The following DOCK8 variants were observed in gnomAD, a reference collection of about 807,000 sequenced individuals.
DOCK8 encodes the protein dedicator of cytokinesis 8.
A neutral mutation model predicts 245.6 loss-of-function variants in DOCK8; 141 were observed. That is an observed-to-expected ratio of 0.57 (90% CI 0.50 to 0.66). DOCK8 has a LOEUF of 0.66. Among genes scored for constraint, DOCK8 ranks in the 30% least tolerant of loss-of-function variants. The pLI is 0.00. For synonymous variants in DOCK8, 1,168 were observed against 970.2 expected, an observed-to-expected ratio of 1.20 and a Z score of -3.79; for missense variants, 2,965 against 2,603.4, an observed-to-expected ratio of 1.14 and a Z score of -3.02.
chr9:463,752 T>C, intron 47 of DOCK8, 65 bp downstream of exon 47: 1 of 1,588,810 alleles, frequency 6.3e-7, no homozygotes, highest in Non-Finnish European at 8.6e-7. Context: ...GCCTAGCACC[T>C]TGGGGCATGC....
At chr9:318,812 A>T (rs1364765986) in intron 7 of DOCK8, among the ~76,000 whole-genome samples, 1 of 152,172 alleles carries the variant, frequency 6.6e-6, no homozygotes. Context: ...TGTCTGAGGG[A>T]CACACCTGCC....
chr9:258,451 C>T (rs2047832561), intron 1 of DOCK8, among the ~76,000 whole-genome samples: 1 of 152,158 alleles, frequency 6.6e-6, no homozygotes, highest in South Asian at 2.1e-4. Flanking sequence ...CAGCATCCAA[C>T]AATGTGTGTT....
intron 15 of DOCK8, chr9:368,971 T>G (rs562344523): frequency 2.1e-4 from 32 of 151,890 alleles, no homozygotes; most frequent in African/African-American, 7.3e-4. Context: ...CACGCCCAGC[T>G]AATTTTGTAT....
chr9:420,224 C>A, intron 30 of DOCK8, 177 bp from the exon 31 acceptor site: 1 of 712,960 alleles, frequency 1.4e-6, no homozygotes, highest in Non-Finnish European at 2.4e-6. Flanking sequence ...AACACAGCTT[C>A]CCCTGCCTAG....
chr9:332,479 G>T lies in DOCK8; in HGVS notation c.1125+1G>T, dbSNP rs777092009. 1 of 1,607,758 alleles carries T rather than the reference G, an allele frequency of 6.2e-7. No homozygotes were observed. The highest frequency in any genetic ancestry group is 1.7e-5 in the Admixed American group (1 of 60,008). The stretch of plus-strand genomic sequence containing the variant: ...TATCAAAGAAAGTGATGGTGGAAAG[G>T]TATGGTAATTTGAGTGTTGTTAAAT... On this transcript the variant is annotated splice_donor_variant, in intron 10 of 47. Coordinates refer to ENST00000432829, the MANE Select transcript of DOCK8 (RefSeq NM_203447.4). LOFTEE classifies it high-confidence loss of function.
intron 1 of DOCK8, among the ~76,000 whole-genome samples, chr9:261,162 G>T (rs750298993): frequency 2.0e-5 from 3 of 151,884 alleles, no homozygotes; most frequent in Non-Finnish European, 2.9e-5. Flanking sequence ...ACAGGAGTAG[G>T]AGGGAGACAT....
At chr9:346,805 C>G (rs2051911451) in intron 14 of DOCK8, among the ~76,000 whole-genome samples, 1 of 150,070 alleles carries the variant, frequency 6.7e-6, no homozygotes, top group Non-Finnish European at 1.5e-5. Flanking sequence ...AGCATGCATG[C>G]AGGACCTGAC....
chr9:344,169 G>A (rs1200736618), intron 14 of DOCK8, among the ~76,000 whole-genome samples: 1 of 152,146 alleles, frequency 6.6e-6, no homozygotes, highest in South Asian at 2.1e-4. Flanking sequence ...CAGGTCTTGG[G>A]GAATGACAGA....
At chr9:283,211 T>C (rs10967892) in intron 2 of DOCK8, among the ~76,000 whole-genome samples, 6,057 of 152,254 alleles carry the variant, frequency 0.04, 267 homozygotes, top group African/African-American at 0.11. Context: ...TTATTAAATC[T>C]CTAGCCTCGC....
chr9:278,594 C>T (rs147476464), intron 2 of DOCK8, among the ~76,000 whole-genome samples: 45 of 152,256 alleles, frequency 3.0e-4, no homozygotes, highest in Non-Finnish European at 5.6e-4. Flanking sequence ...AGAAGAGATG[C>T]TTTTAGATTG....
chr9:294,415 A>G (rs1442283608), intron 4 of DOCK8, among the ~76,000 whole-genome samples: 1 of 152,178 alleles, frequency 6.6e-6, no homozygotes, highest in Non-Finnish European at 1.5e-5. Flanking sequence ...GCGTGTTCCC[A>G]TATTCTTGCC....
At chr9:330,805 A>C (rs2050975819) in intron 9 of DOCK8, among the ~76,000 whole-genome samples, 1 of 152,212 alleles carries the variant, frequency 6.6e-6, no homozygotes, top group African/African-American at 2.4e-5. Flanking sequence ...ATTTCATTAC[A>C]CACTTTTGCA....
rs114731187 is a variant in DOCK8 at position 398,954 on chromosome 9, C to T, written c.3121-192C>T. ...AATGCACCTAAATATTAACAGTGCA[C>T]GAATAATTACTTGATTCAACCTCAC... On this transcript the variant is annotated intron_variant, in intron 25 of 47. Coordinates refer to ENST00000432829, the MANE Select transcript of DOCK8 (RefSeq NM_203447.4). Among the ~76,000 whole-genome samples the T allele has an allele frequency of 5.0e-3, 759 of 152,136 alleles. 9 individuals carry two copies. Among genetic ancestry groups the T allele is most frequent in the African/African-American group, 0.017 (721 of 41,502 alleles).
chr9:382,445 C>A (rs1405137324), intron 21 of DOCK8, 68 bp from the exon 22 acceptor site: 2 of 1,603,768 alleles, frequency 1.2e-6, no homozygotes, highest in East Asian at 4.5e-5. Context: ...CTCTTCAATT[C>A]CTTCTTAAAC....
chr9:286,358 C>A, intron 2 of DOCK8, 103 bp from the exon 3 acceptor site: 2 of 1,347,314 alleles, frequency 1.5e-6, no homozygotes, highest in Non-Finnish European at 2.1e-6. Flanking sequence ...GAGCGAAGTA[C>A]TTACTAAGTC....
intron 26 of DOCK8, among the ~76,000 whole-genome samples, chr9:403,035 G>T (rs1233596376): frequency 3.3e-5 from 5 of 152,142 alleles, no homozygotes; most frequent in African/African-American, 1.2e-4. Context: ...GATTACAGGT[G>T]TGTGGCACCA....
At chr9:424,872 G>A (rs1243661327) in intron 33 of DOCK8, among the ~76,000 whole-genome samples, 3 of 152,144 alleles carry the variant, frequency 2.0e-5, no homozygotes, top group Non-Finnish European at 4.4e-5. Context: ...AAACAGATTA[G>A]GACACTCTAG....
intron 9 of DOCK8, among the ~76,000 whole-genome samples, chr9:329,038 C>G (rs909058176): frequency 6.7e-6 from 1 of 150,048 alleles, no homozygotes; most frequent in Non-Finnish European, 1.5e-5. Flanking sequence ...CAACCTCCAC[C>G]TCCCGGGTTC....
intron 1 of DOCK8, among the ~76,000 whole-genome samples, chr9:246,649 T>A (rs1004798463): frequency 6.6e-6 from 1 of 152,194 alleles, no homozygotes; most frequent in Non-Finnish European, 1.5e-5. Context: ...GACAAAGACA[T>A]GTTTGAAAAA....
Sources: gnomAD v4.1 joint callset for allele counts (sites outside exome capture counted in the v4.1 genomes callset) on GRCh38, gnomAD v4.1.1 for gene constraint, MANE v1.5 for transcripts, NCBI Gene and HGNC (gene_info 2026-07-23, HGNC 2026-07-21) for gene names.